SGK3: variants seen among roughly 807,000 people sequenced by gnomAD.
SGK3 encodes serine/threonine-protein kinase Sgk3.
A neutral mutation model predicts 68.5 loss-of-function variants in SGK3; 47 were observed. The observed-to-expected ratio is 0.69, with a 90% CI of 0.54 to 0.87. The LOEUF (loss-of-function observed/expected upper bound fraction) is 0.87, where lower values mean the gene tolerates loss of function less well. Among genes scored for constraint, SGK3 ranks in the 40% least tolerant of loss-of-function variants. SGK3 has a pLI of 0.00. For synonymous variants in SGK3, 181 were observed against 189.1 expected (o/e 0.96, Z 0.35); for missense variants, 479 against 575.5 (o/e 0.83, Z 1.72).
At chr8:66,776,246 C>T (rs1291918886) in intron 1 of SGK3, among the ~76,000 whole-genome samples, 1 of 152,178 alleles carries the variant, frequency 6.6e-6, no homozygotes, top group Non-Finnish European at 1.5e-5. Context: ...ATCCCATCCA[C>T]AGAAACTTCA....
intron 1 of SGK3, among the ~76,000 whole-genome samples, chr8:66,774,574 C>T (rs931923583): frequency 4.6e-5 from 7 of 152,036 alleles, no homozygotes; most frequent in African/African-American, 9.7e-5. Context: ...CAGACGCAAA[C>T]CTTAGAGTAG....
chr8:66,795,829 C>T (rs565539632), intron 2 of SGK3, among the ~76,000 whole-genome samples: 3 of 151,938 alleles, frequency 2.0e-5, no homozygotes, highest in South Asian at 2.1e-4. Flanking sequence ...CCCACCCTAC[C>T]CCTCTCACTC....
At position 66,831,187 on chromosome 8, in the gene SGK3, A is replaced by G. The variant is rs367787769; in HGVS notation, c.468-67A>G. 2,069 of 1,574,734 alleles carry G rather than the reference A, an allele frequency of 1.3e-3. 5 individuals are homozygous for G. The highest frequency in any genetic ancestry group is 1.5e-3 in the Non-Finnish European group (1,691 of 1,149,844). On this transcript the variant is annotated intron_variant, in intron 7 of 16. Transcript: ENST00000521198. ...TTTATTTTTTAAAGAGGGAGGTGCTAAGAAATGTTTAAAAGTTAATATTTC... is the reference window on the plus strand; with the variant it reads ...TTTATTTTTTAAAGAGGGAGGTGCTGAGAAATGTTTAAAAGTTAATATTTC...
intron 16 of SGK3, among the ~76,000 whole-genome samples, chr8:66,858,408 G>C (rs925885227): frequency 5.3e-5 from 8 of 151,780 alleles, no homozygotes; most frequent in Non-Finnish European, 8.8e-5. Flanking sequence ...GGAGCTTGCA[G>C]TGAGCCAAGA....
At chr8:66,725,998 T>TA in intron 1 of SGK3, among the ~76,000 whole-genome samples, 1 of 151,916 alleles carries the variant, frequency 6.6e-6, no homozygotes. Context: ...CTTAAGATGA[T>TA]ATGAGTTTGG....
In SGK3 at chr8:66,772,625, A is replaced by G. The variant is rs569930864; in HGVS notation, c.-121-20991A>G. 2.7e-5 allele frequency among the ~76,000 whole-genome samples: 4 copies of G among 150,340 alleles called. No homozygotes were observed. The South Asian group carries it at 8.4e-4, about 32-fold the overall frequency. On this transcript the variant is annotated intron_variant, in intron 1 of 16. Transcript: ENST00000521198. ...GCCCAGGTTGGAGTGCAGTGGTGCAATCTCGGCTCACTGCAAGCTCTGCCT... is the reference window on the plus strand; with the variant it reads ...GCCCAGGTTGGAGTGCAGTGGTGCAGTCTCGGCTCACTGCAAGCTCTGCCT...
At chr8:66,717,730 A>G (rs2130321376) in intron 1 of SGK3, among the ~76,000 whole-genome samples, 1 of 152,086 alleles carries the variant, frequency 6.6e-6, no homozygotes, top group Non-Finnish European at 1.5e-5. Context: ...TTGAGACAGA[A>G]TCTCGCTGTC....
At chr8:66,836,773 T>G in intron 10 of SGK3, among the ~76,000 whole-genome samples, 1 of 135,098 alleles carries the variant, frequency 7.4e-6, no homozygotes, top group South Asian at 2.3e-4. Context: ...CAGGATATCT[T>G]TTTTTTTTTT....
At chr8:66,812,570 AAAAG>A (rs988896344) in intron 4 of SGK3, among the ~76,000 whole-genome samples, 1 of 152,098 alleles carries the variant, frequency 6.6e-6, no homozygotes, top group Non-Finnish European at 1.5e-5. Flanking sequence ...AGAAAAAAAA[AAAAG>A]AGGGTTTAGG....
intron 1 of SGK3, among the ~76,000 whole-genome samples, chr8:66,748,951 G>A (rs577320339): frequency 6.6e-6 from 1 of 152,092 alleles, no homozygotes; most frequent in Admixed American, 6.6e-5. Flanking sequence ...CTGGAGTGCA[G>A]TGACACTATC....
chr8:66,796,674 G>C (rs1429637347), intron 2 of SGK3, among the ~76,000 whole-genome samples: 1 of 152,098 alleles, frequency 6.6e-6, no homozygotes, highest in Non-Finnish European at 1.5e-5. Context: ...ACAGGGAAAT[G>C]TGTTGCATTC....
intron 1 of SGK3, among the ~76,000 whole-genome samples, chr8:66,777,444 G>A (rs752014295): frequency 2.6e-5 from 4 of 152,046 alleles, no homozygotes; most frequent in Non-Finnish European, 5.9e-5. Flanking sequence ...AATTATTTAC[G>A]CCAATTCACT....
intron 1 of SGK3, among the ~76,000 whole-genome samples, chr8:66,742,712 G>A (rs1805517925): frequency 6.6e-6 from 1 of 152,132 alleles, no homozygotes; most frequent in African/African-American, 2.4e-5. Flanking sequence ...AAATTAATAA[G>A]TCAGTCTTTA....
intron 16 of SGK3, among the ~76,000 whole-genome samples, chr8:66,856,386 C>G (rs139392154): frequency 6.6e-6 from 1 of 152,066 alleles, no homozygotes; most frequent in Non-Finnish European, 1.5e-5. Context: ...TCTTAATAAA[C>G]CACATAGTAC....
chr8:66,783,308 A>C (rs1175063052), intron 1 of SGK3, among the ~76,000 whole-genome samples: 1 of 152,078 alleles, frequency 6.6e-6, no homozygotes, highest in African/African-American at 2.4e-5. Flanking sequence ...TTTTAATCAG[A>C]TTGTTTTCTT....
At chr8:66,790,430 G>A (rs909974742) in intron 1 of SGK3, among the ~76,000 whole-genome samples, 2 of 152,188 alleles carry the variant, frequency 1.3e-5, no homozygotes, top group Non-Finnish European at 2.9e-5. Context: ...TGAATTTGGG[G>A]TTCAGCATTC....
intron 1 of SGK3, among the ~76,000 whole-genome samples, chr8:66,725,081 T>C (rs111522805): frequency 0.13 from 20,120 of 151,774 alleles, 2,574 homozygotes; most frequent in African/African-American, 0.33. Context: ...AAAAATTAGC[T>C]GGGTGTGGTG....
At chr8:66,816,039 G>A (rs1046976921) in intron 5 of SGK3, among the ~76,000 whole-genome samples, 1 of 151,852 alleles carries the variant, frequency 6.6e-6, no homozygotes, top group Non-Finnish European at 1.5e-5. Context: ...TCACTGTGTC[G>A]CCCAGGCTGG....
chr8:66,735,932 C>G (rs1168270529), intron 1 of SGK3, among the ~76,000 whole-genome samples: 2 of 152,174 alleles, frequency 1.3e-5, no homozygotes, highest in African/African-American at 2.4e-5. Flanking sequence ...AAACAGAATA[C>G]TGTCTTTAAA....
Sources: allele counts gnomAD v4.1 joint callset (sites outside exome capture counted in the v4.1 genomes callset), GRCh38; gene constraint gnomAD v4.1.1; transcripts MANE v1.5; gene names NCBI Gene and HGNC (gene_info 2026-07-23, HGNC 2026-07-21).